ZNF536: variants seen among roughly 807,000 people sequenced by gnomAD.
ZNF536 encodes zinc finger protein 536.
In ZNF536, 13 loss-of-function variants were observed where a neutral mutation model predicts 84.5. The ratio of observed to expected loss-of-function variants is 0.15; its 90% CI spans 0.10 to 0.24. The LOEUF (loss-of-function observed/expected upper bound fraction) is 0.24, where lower values mean the gene tolerates loss of function less well. Among genes scored for constraint, ZNF536 ranks in the 10% least tolerant of loss-of-function variants. The pLI, the probability that ZNF536 is intolerant of heterozygous loss-of-function variation, is 1.00. For missense variants in ZNF536, 1,536 were observed against 1,747.5 expected, an observed-to-expected ratio of 0.88 and a Z score of 2.16; for synonymous variants, 811 against 742.5, an observed-to-expected ratio of 1.09 and a Z score of -1.50.
chr19:30,627,097 C>A (rs1327912742), intron 1 of ZNF536, among the ~76,000 whole-genome samples: 1 of 152,042 alleles, frequency 6.6e-6, no homozygotes, highest in African/African-American at 2.4e-5. Context: ...TGAAGGGTGC[C>A]CCTTGCTCCT....
At chr19:30,373,234 C>T (rs1347510289) in intron 1 of ZNF536, among the ~76,000 whole-genome samples, 1 of 152,142 alleles carries the variant, frequency 6.6e-6, no homozygotes, top group Non-Finnish European at 1.5e-5. Flanking sequence ...GAACGGAACT[C>T]TTCCCCACTG....
chr19:30,313,131 G>C (rs545067057), intron 2 of ZNF536, among the ~76,000 whole-genome samples: 1 of 152,198 alleles, frequency 6.6e-6, no homozygotes, highest in Non-Finnish European at 1.5e-5. Context: ...CACAGAGCCC[G>C]GGGCACTCAC....
intron 1 of ZNF536, among the ~76,000 whole-genome samples, chr19:30,649,023 G>A (rs1370059209): frequency 6.6e-6 from 1 of 152,176 alleles, no homozygotes; most frequent in Non-Finnish European, 1.5e-5. Flanking sequence ...TCAGGGCGAT[G>A]GGGTAGGACG....
chr19:30,531,486 G>A (rs1371361048), intron 2 of ZNF536, among the ~76,000 whole-genome samples: 3 of 151,456 alleles, frequency 2.0e-5, no homozygotes, highest in Non-Finnish European at 4.4e-5. Context: ...ATGTGCAGGT[G>A]TGTGGCATGA....
chr19:30,331,619 C>T (rs2047214754), intron 2 of ZNF536, among the ~76,000 whole-genome samples: 1 of 152,156 alleles, frequency 6.6e-6, no homozygotes, highest in African/African-American at 2.4e-5. Flanking sequence ...TTGACCTTCT[C>T]AGCTCAGTAA....
rs997405481 is a variant in ZNF536 at position 30,496,697 on chromosome 19, C to G, written c.2171-38150C>G. Among the ~76,000 whole-genome samples the G allele has an allele frequency of 2.0e-5, 3 of 152,020 alleles. No individual in the cohort carries two copies. In the South Asian group the frequency reaches 6.2e-4, roughly 32 times the overall value. ...AGTAGTAGAGATGGGGGGGTTTGGGCAGCACCTGGGCCTTCTCAATGCACT... is the reference window on the plus strand; with the variant it reads ...AGTAGTAGAGATGGGGGGGTTTGGGGAGCACCTGGGCCTTCTCAATGCACT... On this transcript the variant is annotated intron_variant, in intron 2 of 4. Transcript: ENST00000355537.
chr19:30,294,164 G>T (rs780632604), intron 2 of ZNF536, among the ~76,000 whole-genome samples: 1 of 152,148 alleles, frequency 6.6e-6, no homozygotes, highest in East Asian at 1.9e-4. Context: ...TCTAGAGGGT[G>T]GGGTGTGGCC....
At chr19:30,273,140 G>T (rs533087509) in intron 1 of ZNF536, among the ~76,000 whole-genome samples, 1 of 152,104 alleles carries the variant, frequency 6.6e-6, no homozygotes, top group Admixed American at 6.5e-5. Context: ...AGGATCAAAC[G>T]ATCCTCCTGC....
In ZNF536 at chr19:30,522,264, T is replaced by C. The variant is rs1275765973; in HGVS notation, c.2171-12583T>C. On this transcript the variant is annotated intron_variant, in intron 2 of 4. Coordinates refer to ENST00000355537, the MANE Select transcript of ZNF536 (RefSeq NM_014717.3). Reference sequence around the variant, plus strand: ...ATTGGCAGAGCTGGATATATATACATATATATATACATATATATAATATAT... The same window carrying C: ...ATTGGCAGAGCTGGATATATATACACATATATATACATATATATAATATAT... 2.3e-4 allele frequency among the ~76,000 whole-genome samples: 27 copies of C among 119,716 alleles called. 1 individual carries two copies. Among genetic ancestry groups the C allele is most frequent in the South Asian group, 7.1e-4 (3 of 4,226 alleles). The allele number at this position is 119,716 out of a possible 152,430, so 78.5% of individuals were successfully genotyped here.
At chr19:30,306,968 G>C (rs2046359626) in intron 2 of ZNF536, among the ~76,000 whole-genome samples, 1 of 152,086 alleles carries the variant, frequency 6.6e-6, no homozygotes. Flanking sequence ...GAGAAGTTGA[G>C]GGAACCGACA....
intron 2 of ZNF536, among the ~76,000 whole-genome samples, chr19:30,494,945 CAAAAAAGAAAAAAAA>C (rs2054657762): frequency 1.4e-5 from 1 of 69,954 alleles, no homozygotes; most frequent in African/African-American, 5.5e-5. Flanking sequence ...GACTCCGTCT[CAAAAAAGAAAAAAAA>C]AAAAAAAAAA....
intron 1 of ZNF536, among the ~76,000 whole-genome samples, chr19:30,389,280 G>A (rs769503015): frequency 2.0e-5 from 3 of 152,162 alleles, no homozygotes; most frequent in East Asian, 1.9e-4. Flanking sequence ...GGTGATACTC[G>A]TGTATAGGGT....
Position 30,462,987 on chromosome 19 carries a change from TG to T in ZNF536, c.2170+17259del, listed in dbSNP as rs1451450467. ...TGCATTTGCCTGTGTTGGAATGGGA[TG>T]GGGTGTGTGTTGTGTGGATAAGGAT... On this transcript the variant is annotated intron_variant, in intron 2 of 4. Transcript: ENST00000355537. Among the ~76,000 whole-genome samples, 101 of 145,164 alleles carry T rather than the reference TG, an allele frequency of 7.0e-4. 6 individuals are homozygous for T. The highest frequency in any genetic ancestry group is 1.1e-3 in the Non-Finnish European group (70 of 65,238).
intron 1 of ZNF536, among the ~76,000 whole-genome samples, chr19:30,576,137 G>A (rs915658584): frequency 1.3e-5 from 2 of 152,178 alleles, no homozygotes; most frequent in Admixed American, 6.5e-5. Context: ...TCTGACCCTG[G>A]CTTTTCCACC....
chr19:30,249,276 A>G (rs550795369), intron 1 of ZNF536, among the ~76,000 whole-genome samples: 18 of 151,954 alleles, frequency 1.2e-4, no homozygotes, highest in Non-Finnish European at 2.5e-4. Flanking sequence ...CAATATAGTT[A>G]CTATTACTAA....
At chr19:30,351,393 T>A (rs1257385581) in intron 2 of ZNF536, among the ~76,000 whole-genome samples, 1 of 152,208 alleles carries the variant, frequency 6.6e-6, no homozygotes, top group Non-Finnish European at 1.5e-5. Context: ...TTAATAGAGT[T>A]AAGGGTTCTG....
At chr19:30,331,017 T>G (rs2047193324) in intron 2 of ZNF536, among the ~76,000 whole-genome samples, 1 of 152,068 alleles carries the variant, frequency 6.6e-6, no homozygotes, top group Non-Finnish European at 1.5e-5. Flanking sequence ...AGGGCCTTAT[T>G]TCACCTGTAA....
At chr19:30,230,550 G>A (rs1399790230) in intron 1 of ZNF536, among the ~76,000 whole-genome samples, 1 of 152,194 alleles carries the variant, frequency 6.6e-6, no homozygotes, top group Non-Finnish European at 1.5e-5. Flanking sequence ...CGACAGTCAC[G>A]CTGTTCTGGT....
chr19:30,699,153 G>A (rs1256909053), intron 1 of ZNF536, among the ~76,000 whole-genome samples: 1 of 151,954 alleles, frequency 6.6e-6, no homozygotes, highest in East Asian at 1.9e-4. Flanking sequence ...TAAATACCCC[G>A]GGATTATTTT....
Sources: gnomAD v4.1 joint callset for allele counts (sites outside exome capture counted in the v4.1 genomes callset) on GRCh38, gnomAD v4.1.1 for gene constraint, MANE v1.5 for transcripts, NCBI Gene and HGNC (gene_info 2026-07-23, HGNC 2026-07-21) for gene names.